Variants in GRID2 observed in about 807,000 individuals in gnomAD.
GRID2 encodes the protein glutamate receptor ionotropic, delta-2.
GRID2 carries 33 observed loss-of-function variants against 114.8 expected under a neutral mutation model. That is an observed-to-expected ratio of 0.29 (90% CI 0.22 to 0.38). The LOEUF is 0.38. Among genes scored for constraint, GRID2 ranks in the 10% least tolerant of loss-of-function variants. GRID2 has a pLI of 1.00. For synonymous variants in GRID2, 505 were observed against 449.9 expected, an observed-to-expected ratio of 1.12 and a Z score of -1.55; for missense variants, 1,184 against 1,257.7, an observed-to-expected ratio of 0.94 and a Z score of 0.89.
chr4:93,558,402 G>A (rs372700813), intron 13 of GRID2, among the ~76,000 whole-genome samples: 113 of 152,114 alleles, frequency 7.4e-4, no homozygotes, highest in African/African-American at 2.4e-3. Context: ...TGATAAAGGG[G>A]ATATCACCAC....
At chr4:92,824,110 T>C (rs1316597653) in intron 2 of GRID2, among the ~76,000 whole-genome samples, 1 of 152,054 alleles carries the variant, frequency 6.6e-6, no homozygotes, top group Non-Finnish European at 1.5e-5. Flanking sequence ...ATAATGAAGG[T>C]TAGGCCAGGT....
At chr4:92,385,875 CGTGTGTGT>C (rs746827198) in intron 1 of GRID2, among the ~76,000 whole-genome samples, 3 of 137,814 alleles carry the variant, frequency 2.2e-5, no homozygotes, top group African/African-American at 8.0e-5. Flanking sequence ...ATATAATATA[CGTGTGTGT>C]GTGTGTGTGT....
rs183167579 is a variant in GRID2 at position 92,428,421 on chromosome 4, C to T, written c.88+123677C>T. Among the ~76,000 whole-genome samples the T allele has an allele frequency of 5.9e-5, 9 of 151,984 alleles. 1 individual carries two copies. Among genetic ancestry groups the T allele is most frequent in the Admixed American group, 2.6e-4 (4 of 15,274 alleles). On this transcript the variant is annotated intron_variant, in intron 1 of 15. Transcript: ENST00000282020. ...CTCTCTTAACTTCTGATATTTCCTTCGGTAATCCTGTTACAGTTTCTAAAT... is the reference window on the plus strand; with the variant it reads ...CTCTCTTAACTTCTGATATTTCCTTTGGTAATCCTGTTACAGTTTCTAAAT...
chr4:93,737,726 G>C (rs1027238395), intron 14 of GRID2, among the ~76,000 whole-genome samples: 1 of 152,036 alleles, frequency 6.6e-6, no homozygotes, highest in Admixed American at 6.6e-5. Context: ...AGAAAATTGA[G>C]TTTATGTAGT....
chr4:92,702,719 C>A (rs1413885759), intron 2 of GRID2: 1 of 151,592 alleles, frequency 6.6e-6, no homozygotes, highest in African/African-American at 2.4e-5. Flanking sequence ...TAATGGTATA[C>A]AATAATATTC....
chr4:92,462,782 A>T (rs990819580), intron 1 of GRID2, among the ~76,000 whole-genome samples: 1 of 152,018 alleles, frequency 6.6e-6, no homozygotes, highest in Admixed American at 6.6e-5. Context: ...TATTAAAAAC[A>T]AGCAAGAAAA....
At chr4:92,349,009 CT>C (rs34971419) in intron 1 of GRID2, among the ~76,000 whole-genome samples, 50 of 147,256 alleles carry the variant, frequency 3.4e-4, no homozygotes, top group African/African-American at 4.5e-4. Flanking sequence ...TACTAGAGTG[CT>C]TTTTTTTTTG....
intron 2 of GRID2, among the ~76,000 whole-genome samples, chr4:92,936,321 A>G (rs1750669065): frequency 6.8e-6 from 1 of 146,452 alleles, no homozygotes; most frequent in Admixed American, 7.4e-5. Context: ...TTAAAAATAG[A>G]AAAAAATTAC....
intron 2 of GRID2, among the ~76,000 whole-genome samples, chr4:92,832,285 A>T (rs1742160665): frequency 1.3e-5 from 2 of 151,796 alleles, no homozygotes; most frequent in Non-Finnish European, 2.9e-5. Context: ...ACTAAAAATT[A>T]AAAAAATAAA....
chr4:93,698,688 A>G (rs1727253412), intron 14 of GRID2, among the ~76,000 whole-genome samples: 1 of 152,076 alleles, frequency 6.6e-6, no homozygotes, highest in Admixed American at 6.6e-5. Flanking sequence ...TAAGTTTTGA[A>G]TATTTTATTT....
chr4:93,415,237 A>AT (rs1370699824), intron 9 of GRID2, among the ~76,000 whole-genome samples: 1 of 152,100 alleles, frequency 6.6e-6, no homozygotes, highest in African/African-American at 2.4e-5. Context: ...TATATCTCGA[A>AT]TGTATTTCTT....
intron 1 of GRID2, among the ~76,000 whole-genome samples, chr4:92,342,158 A>C (rs1427872890): frequency 6.6e-6 from 1 of 152,152 alleles, no homozygotes; most frequent in African/African-American, 2.4e-5. Context: ...AATGCACTAA[A>C]ATGTAAATAT....
chr4:92,489,844 TA>T lies in GRID2; in HGVS notation c.89-100269del, dbSNP rs34912004. Among the ~76,000 whole-genome samples the T allele has an allele frequency of 6.6e-3, 881 of 132,558 alleles. 3 individuals are homozygous for T. Among genetic ancestry groups the T allele is most frequent in the East Asian group, 0.014 (63 of 4,648 alleles). 87.0% of individuals were successfully genotyped at this position (132,558 alleles called of 152,430 possible). ...CTGGGCGATAGAGCGAGACTCCATT[TA>T]AAAAAAAAAAAAAAAAAGTAAATGA... On this transcript the variant is annotated intron_variant, in intron 1 of 15. Transcript: ENST00000282020.
At chr4:92,811,915 G>C (rs1419074875) in intron 2 of GRID2, among the ~76,000 whole-genome samples, 2 of 152,106 alleles carry the variant, frequency 1.3e-5, no homozygotes, top group Admixed American at 6.6e-5. Context: ...TCTGTAATTA[G>C]AGACTGTCAC....
intron 2 of GRID2, among the ~76,000 whole-genome samples, chr4:92,767,884 T>A (rs1270657081): frequency 1.3e-5 from 2 of 148,888 alleles, no homozygotes; most frequent in Admixed American, 1.4e-4. Flanking sequence ...GCCACTGCAC[T>A]CCAATCTCAC....
At chr4:93,453,629 T>C (rs1722927284) in intron 10 of GRID2, among the ~76,000 whole-genome samples, 2 of 152,118 alleles carry the variant, frequency 1.3e-5, no homozygotes, top group South Asian at 4.1e-4. Context: ...AGGTATCCAT[T>C]ATTAAAATCA....
chr4:93,514,411 C>A (rs1202108848), intron 12 of GRID2, among the ~76,000 whole-genome samples: 1 of 146,464 alleles, frequency 6.8e-6, no homozygotes, highest in Non-Finnish European at 1.5e-5. Flanking sequence ...TCGCTCCCCC[C>A]ACCTCCACAG....
At chr4:93,708,821 G>T (rs1163163395) in intron 14 of GRID2, among the ~76,000 whole-genome samples, 1 of 150,460 alleles carries the variant, frequency 6.6e-6, no homozygotes, top group African/African-American at 2.4e-5. Context: ...TTCTTTGATG[G>T]CATATTTTAA....
intron 8 of GRID2, among the ~76,000 whole-genome samples, chr4:93,335,069 A>G (rs1758904079): frequency 1.3e-5 from 2 of 152,028 alleles, no homozygotes; most frequent in South Asian, 4.1e-4. Flanking sequence ...CTATCATTTT[A>G]ATATGTCAAT....
Sources: allele counts gnomAD v4.1 joint callset (sites outside exome capture counted in the v4.1 genomes callset), GRCh38; gene constraint gnomAD v4.1.1; transcripts MANE v1.5; gene names NCBI Gene and HGNC (gene_info 2026-07-23, HGNC 2026-07-21).